The following NKAIN3 variants were observed in gnomAD, a reference collection of about 807,000 sequenced individuals.
NKAIN3 encodes the protein sodium/potassium transporting ATPase interacting 3.
Under a neutral mutation model 30.2 loss-of-function variants are expected in NKAIN3, and 25 were observed. The ratio of observed to expected loss-of-function variants is 0.83; its 90% CI spans 0.60 to 1.16. The LOEUF is 1.16. Ranked by LOEUF, NKAIN3 falls within the 50% of genes most tolerant of loss-of-function variation. NKAIN3 has a pLI of 0.00. For missense variants in NKAIN3, 225 were observed against 254.1 expected, an observed-to-expected ratio of 0.89 and a Z score of 0.78; for synonymous variants, 91 against 89.6, an observed-to-expected ratio of 1.02 and a Z score of -0.09.
At chr8:62,631,730 C>T (rs1811966007) in intron 3 of NKAIN3, among the ~76,000 whole-genome samples, 1 of 152,078 alleles carries the variant, frequency 6.6e-6, no homozygotes, top group South Asian at 2.1e-4. Flanking sequence ...TAATGAAATT[C>T]TTGTCTTCAA....
intron 4 of NKAIN3, among the ~76,000 whole-genome samples, chr8:62,910,595 G>C (rs1195308720): frequency 6.6e-6 from 1 of 152,028 alleles, no homozygotes; most frequent in Non-Finnish European, 1.5e-5. Context: ...AGGGTATTTA[G>C]ATTTTTATCC....
Position 62,623,235 on chromosome 8 carries a change from C to T in NKAIN3, c.273+33441C>T, listed in dbSNP as rs1017818975. Among the ~76,000 whole-genome samples, 5 of 151,984 alleles carry T rather than the reference C, an allele frequency of 3.3e-5. No individual in the cohort carries two copies. The East Asian group carries it at 7.7e-4, about 23-fold the overall frequency. ...ATCACTTCACTACTTTCCCTTTATT[C>T]GTTTAAGCTGGAGAGGTCTTTGACC... On this transcript the variant is annotated intron_variant, in intron 3 of 6. Coordinates refer to ENST00000623646, the MANE Select transcript of NKAIN3 (RefSeq NM_001304533.3).
intron 4 of NKAIN3, among the ~76,000 whole-genome samples, chr8:62,841,260 G>A (rs2130759984): frequency 6.6e-6 from 1 of 151,814 alleles, no homozygotes; most frequent in East Asian, 1.9e-4. Flanking sequence ...TATATAATAC[G>A]GAGTTATTAA....
Position 62,981,028 on chromosome 8 carries a change from G to A in NKAIN3, c.*15621G>A, listed in dbSNP as rs1824062918. 6.6e-6 allele frequency: 1 copy of A among 152,184 alleles called. No individual in the cohort carries two copies. The allele number at this position is 152,184 out of a possible 1,614,324, so 9.4% of individuals were successfully genotyped here. A position where few individuals can be genotyped will look rare whatever the true frequency, so the allele number is the denominator to read the frequency against. ...AAAGTCTTTGGTCTGAAGACTCAGA[G>A]CTTAAATTGCATTGGTCCTGTTAAT... On this transcript the variant is annotated 3_prime_UTR_variant, in exon 7 of 7. Transcript: ENST00000623646.
At chr8:62,838,019 C>G (rs17181223) in intron 4 of NKAIN3, among the ~76,000 whole-genome samples, 5 of 151,590 alleles carry the variant, frequency 3.3e-5, no homozygotes, top group African/African-American at 1.2e-4. Context: ...TCTTTTAATG[C>G]GTAAAAACTT....
chr8:62,598,680 C>T (rs772420329), intron 3 of NKAIN3, among the ~76,000 whole-genome samples: 8 of 151,962 alleles, frequency 5.3e-5, no homozygotes, highest in Non-Finnish European at 8.8e-5. Context: ...ACTGTCTCCT[C>T]TCTCTAATTC....
intron 4 of NKAIN3, 25 bp from the exon 5 acceptor site, chr8:62,918,428 G>A (rs1351948079): frequency 1.3e-6 from 2 of 1,572,070 alleles, no homozygotes; most frequent in Non-Finnish European, 1.8e-6. Context: ...AGATTCTTAA[G>A]GTACACATTT....
At chr8:62,317,039 T>G (rs1814660936) in intron 1 of NKAIN3, among the ~76,000 whole-genome samples, 1 of 152,208 alleles carries the variant, frequency 6.6e-6, no homozygotes. Context: ...ATGATGAGCA[T>G]TTTTTCATGT....
intron 1 of NKAIN3, among the ~76,000 whole-genome samples, chr8:62,364,815 C>T (rs190286045): frequency 4.8e-4 from 43 of 89,286 alleles, no homozygotes; most frequent in East Asian, 3.9e-3. Context: ...TGTGACAGAG[C>T]GAGACTCCAC....
intron 1 of NKAIN3, among the ~76,000 whole-genome samples, chr8:62,345,644 T>TATACACATATATACATATGTATAC (rs1338004925): frequency 2.7e-5 from 4 of 150,000 alleles, no homozygotes; most frequent in African/African-American, 9.8e-5. Context: ...TATATGTATA[T>TATACACATATATACATATGTATAC]ATACACATAT....
At chr8:62,858,063 T>TTTG (rs1317431787) in intron 4 of NKAIN3, among the ~76,000 whole-genome samples, 1 of 151,700 alleles carries the variant, frequency 6.6e-6, no homozygotes, top group Admixed American at 6.5e-5. Flanking sequence ...CTGTGTTTTT[T>TTTG]TTGTTGTTGT....
At chr8:62,261,403 A>AAGT (rs1812437042) in intron 1 of NKAIN3, among the ~76,000 whole-genome samples, 1 of 152,210 alleles carries the variant, frequency 6.6e-6, no homozygotes, top group African/African-American at 2.4e-5. Context: ...AATGGGTTAT[A>AAGT]GGTTGCACTT....
chr8:62,631,112 A>G (rs1285458948), intron 3 of NKAIN3, among the ~76,000 whole-genome samples: 1 of 152,116 alleles, frequency 6.6e-6, no homozygotes, highest in Non-Finnish European at 1.5e-5. Flanking sequence ...ATTCAAGCCA[A>G]CACCTCTCCG....
intron 4 of NKAIN3, among the ~76,000 whole-genome samples, chr8:62,839,758 G>C (rs892711826): frequency 2.6e-5 from 4 of 151,838 alleles, no homozygotes; most frequent in African/African-American, 9.7e-5. Flanking sequence ...TGGTACTACA[G>C]GTGTGTGCCA....
rs180761077 is a variant in NKAIN3, at chr8:62,461,058, A to G, written c.55-118481A>G. Among the ~76,000 whole-genome samples, 5 of 152,226 alleles carry G rather than the reference A, an allele frequency of 3.3e-5. No individual in the cohort carries two copies. In the East Asian group the frequency reaches 9.7e-4, roughly 29 times the overall value. ...AGGGAAAACCTGAGAGGCCCTAAACACTCACCTTTGGTCAATCTTGAGGCT... is the reference window on the plus strand; with the variant it reads ...AGGGAAAACCTGAGAGGCCCTAAACGCTCACCTTTGGTCAATCTTGAGGCT... On this transcript the variant is annotated intron_variant, in intron 1 of 6. Transcript: ENST00000623646.
At chr8:62,779,041 T>C (rs1817273536) in intron 4 of NKAIN3, among the ~76,000 whole-genome samples, 2 of 152,044 alleles carry the variant, frequency 1.3e-5, no homozygotes, top group African/African-American at 4.8e-5. Flanking sequence ...CTCAGGACTC[T>C]GCCAGGTGCC....
At chr8:62,472,332 C>T (rs1393232878) in intron 1 of NKAIN3, among the ~76,000 whole-genome samples, 1 of 152,158 alleles carries the variant, frequency 6.6e-6, no homozygotes, top group Non-Finnish European at 1.5e-5. Context: ...GGAAGCTGTG[C>T]AGGCAGTCCA....
At chr8:62,822,369 T>C (rs1478660050) in intron 4 of NKAIN3, among the ~76,000 whole-genome samples, 1 of 152,160 alleles carries the variant, frequency 6.6e-6, no homozygotes, top group African/African-American at 2.4e-5. Flanking sequence ...AACATTAATA[T>C]GAGGTAAATT....
intron 1 of NKAIN3, among the ~76,000 whole-genome samples, chr8:62,362,894 G>A (rs1336600540): frequency 2.0e-5 from 3 of 152,154 alleles, no homozygotes; most frequent in South Asian, 4.2e-4. Context: ...TTATTTGAAC[G>A]CAGTTTGAAC....
Sources: allele counts gnomAD v4.1 joint callset (sites outside exome capture counted in the v4.1 genomes callset), GRCh38; gene constraint gnomAD v4.1.1; transcripts MANE v1.5; gene names NCBI Gene and HGNC (gene_info 2026-07-23, HGNC 2026-07-21).